The following CYB561D1 variants were observed in gnomAD, a reference collection of about 807,000 sequenced individuals.
CYB561D1 encodes the protein cytochrome b561 family member D1.
In CYB561D1, 15 loss-of-function variants were observed where a neutral mutation model predicts 19.2. That is an observed-to-expected ratio of 0.78 (90% confidence interval 0.52 to 1.20). The LOEUF (loss-of-function observed/expected upper bound fraction) is 1.20, where lower values mean the gene tolerates loss of function less well. Ranked by LOEUF, CYB561D1 falls within the 50% of genes most tolerant of loss-of-function variation. The pLI is 0.00. For synonymous variants in CYB561D1, 133 were observed against 120.6 expected, an observed-to-expected ratio of 1.10 and a Z score of -0.68; for missense variants, 297 against 287.3, an observed-to-expected ratio of 1.03 and a Z score of -0.24.
Position 109,494,304 on chromosome 1 carries a change from G to A in CYB561D1, c.148+17G>A. ...CAGGAACCAGTGAGTGTGCGGGGCG[G>A]GGTTGCGGAAGGGGGCGGAGTGGAG... On this transcript the variant is annotated intron_variant, in intron 1 of 2. Transcript: ENST00000420578. 1 of 1,570,038 alleles carries A rather than the reference G, an allele frequency of 6.4e-7. No individual in the cohort carries two copies. Among genetic ancestry groups the A allele is most frequent in the Non-Finnish European group, 8.7e-7 (1 of 1,155,964 alleles).
In CYB561D1 at chr1:109,496,621, G is replaced by C; in HGVS notation, c.*362G>C. ...CCAGGGATATTTGGGTTACTTTTAAGAAAGCAGTGTGATGTAGTGGAGAGA... is the reference window on the plus strand; with the variant it reads ...CCAGGGATATTTGGGTTACTTTTAACAAAGCAGTGTGATGTAGTGGAGAGA... On this transcript the variant is annotated 3_prime_UTR_variant, in exon 3 of 3. Transcript: ENST00000420578. 5.3e-6 allele frequency: 1 copy of C among 188,802 alleles called. No individual in the cohort carries two copies. Among genetic ancestry groups the C allele is most frequent in the South Asian group, 1.3e-4 (1 of 7,950 alleles). 11.7% of individuals were successfully genotyped at this position (188,802 alleles called of 1,614,324 possible). A position where few individuals can be genotyped will look rare whatever the true frequency, so the allele number is the denominator to read the frequency against.
chr1:109,500,196 T>C lies in CYB561D1; in HGVS notation c.*3937T>C, dbSNP rs1010687067. The C allele has an allele frequency of 2.0e-5, 3 of 152,288 alleles. No homozygotes were observed. The highest frequency in any genetic ancestry group is 6.5e-5 in the Admixed American group (1 of 15,284). 9.4% of individuals were successfully genotyped at this position (152,288 alleles called of 1,614,324 possible). A position where few individuals can be genotyped will look rare whatever the true frequency, so the allele number is the denominator to read the frequency against. Reference sequence around the variant, plus strand: ...GCAGGGAGGCTTCTGGTAGTGCTCTTGATGCTCCTGTGTCTGGTTGGCACA... The same window carrying C: ...GCAGGGAGGCTTCTGGTAGTGCTCTCGATGCTCCTGTGTCTGGTTGGCACA... On this transcript the variant is annotated 3_prime_UTR_variant, in exon 3 of 3. Transcript: ENST00000420578.
chr1:109,495,664 T>G, intron 2 of CYB561D1, 92 bp from the exon 3 acceptor site: 3 of 1,606,172 alleles, frequency 1.9e-6, no homozygotes, highest in Non-Finnish European at 2.6e-6. Flanking sequence ...CCTTACCCTT[T>G]GTCCTCTTTG....
At position 109,498,224 on chromosome 1, in the gene CYB561D1, C is replaced by T. The variant is rs1289103990; in HGVS notation, c.*1965C>T. On this transcript the variant is annotated 3_prime_UTR_variant, in exon 3 of 3. Coordinates refer to ENST00000420578, the MANE Select transcript of CYB561D1 (RefSeq NM_182580.3). ...CCTGAGCCTGCCTGAGGTGCTGCCT[C>T]CTCCCAGGTGGTGCGGGGGCTGGTG... The T allele has an allele frequency of 1.3e-5, 2 of 152,230 alleles. No homozygotes were observed. Among genetic ancestry groups the T allele is most frequent in the African/African-American group, 4.8e-5 (2 of 41,452 alleles). The allele number at this position is 152,230 out of a possible 1,614,324, so 9.4% of individuals were successfully genotyped here. A position where few individuals can be genotyped will look rare whatever the true frequency, so the allele number is the denominator to read the frequency against.
chr1:109,495,076 G>T, intron 1 of CYB561D1, 67 bp from the exon 2 acceptor site: 1 of 1,562,060 alleles, frequency 6.4e-7, no homozygotes, highest in Non-Finnish European at 8.8e-7. Flanking sequence ...GATTCTTTGG[G>T]TTCCACCTAG....
chr1:109,496,073 A>T lies in CYB561D1; in HGVS notation c.504A>T (p.Thr168=), dbSNP rs1224096331. The T allele has an allele frequency of 1.2e-6, 2 of 1,613,902 alleles. No individual in the cohort carries two copies. Among genetic ancestry groups the T allele is most frequent in the African/African-American group, 1.3e-5 (1 of 74,896 alleles). The change falls in exon 3 of 3, where the codon ACA becomes ACT. Residue 168 remains threonine, a synonymous_variant. Transcript: ENST00000420578. The part of the protein sequence containing the change: ...RVARLKLYHL[T]CGLVVYLMAT... Reference sequence around the variant, plus strand: ...CTCGCCTCAAGCTCTACCATCTGACATGTGGACTGGTGGTCTACCTGATGG... The same window carrying T: ...CTCGCCTCAAGCTCTACCATCTGACTTGTGGACTGGTGGTCTACCTGATGG...
rs1657708576 is a variant in CYB561D1 at position 109,498,591 on chromosome 1, G to A, written c.*2332G>A. 1 of 152,164 alleles carries A rather than the reference G, an allele frequency of 6.6e-6. No individual in the cohort carries two copies. The highest frequency in any genetic ancestry group is 2.4e-5 in the African/African-American group (1 of 41,412). The allele number at this position is 152,164 out of a possible 1,614,324, so 9.4% of individuals were successfully genotyped here. A position where few individuals can be genotyped will look rare whatever the true frequency, so the allele number is the denominator to read the frequency against. On this transcript the variant is annotated 3_prime_UTR_variant, in exon 3 of 3. Transcript: ENST00000420578. ...CCCTCACATCCTGGGGCAGCAGCTGGACAGCCATTAGACCTCAGTGCCAGG... is the reference window on the plus strand; with the variant it reads ...CCCTCACATCCTGGGGCAGCAGCTGAACAGCCATTAGACCTCAGTGCCAGG...
rs576030109 is a variant in CYB561D1, at chr1:109,495,918, C to A, written c.349C>A (p.Arg117Ser). ...GGGCTTCATCATCTCCAGCAGGACC[C>A]GCAGTGAGCTGCCTCATCTGGTGTC... ...GLGFIISSRTRSELPHLVSWH... is the reference protein window; with the variant it reads ...GLGFIISSRTSSELPHLVSWH... The change falls in exon 3 of 3, where the codon CGC becomes AGC. Residue 117 changes from arginine (R) to serine (S), a missense_variant. Arg to Ser is a moderately radical substitution (Grantham distance 110). Transcript: ENST00000420578. 1.2e-6 allele frequency: 2 copies of A among 1,613,954 alleles called. No individual in the cohort carries two copies. The highest frequency in any genetic ancestry group is 2.7e-5 in the African/African-American group (2 of 74,950).
Position 109,495,991 on chromosome 1 carries a change from A to T in CYB561D1, c.422A>T (p.Gln141Leu), listed in dbSNP as rs1657529123. The change falls in exon 3 of 3, where the codon CAG (glutamine) becomes CTG (leucine). Residue 141 changes from glutamine (Q) to leucine (L), a missense_variant. Physicochemically the swap from Gln to Leu is moderately radical, Grantham distance 113 (BLOSUM62 -2). Coordinates refer to ENST00000420578, the MANE Select transcript of CYB561D1 (RefSeq NM_182580.3). ...CTGACACTGCTGGCCACTGCTGTCC[A>T]GGCACTGTGTGGGCTCTGCCTCCTT... ...GALTLLATAV[Q>L]ALCGLCLLCP... 6.2e-7 allele frequency: 1 copy of T among 1,610,018 alleles called. No individual in the cohort carries two copies. Among genetic ancestry groups the T allele is most frequent in the South Asian group, 1.1e-5 (1 of 90,780 alleles).
At position 109,496,269 on chromosome 1, in the gene CYB561D1, A is replaced by G; in HGVS notation, c.*10A>G. The G allele has an allele frequency of 6.4e-7, 1 of 1,560,118 alleles. No individual in the cohort carries two copies. Among genetic ancestry groups the G allele is most frequent in the Non-Finnish European group, 8.7e-7 (1 of 1,146,478 alleles). ...GAAAATGGAAATGTGAGTTCCTGCG[A>G]ACGCTGAATCTAGGTGGGACGCTTG... On this transcript the variant is annotated 3_prime_UTR_variant, in exon 3 of 3. Coordinates refer to ENST00000420578, the MANE Select transcript of CYB561D1 (RefSeq NM_182580.3).
chr1:109,494,312 G>T, intron 1 of CYB561D1, 25 bp downstream of exon 1: 1 of 1,559,168 alleles, frequency 6.4e-7, no homozygotes, highest in Non-Finnish European at 8.7e-7. Flanking sequence ...CGGGGTTGCG[G>T]AAGGGGGCGG....
chr1:109,495,123 C>T lies in CYB561D1; in HGVS notation c.149-20C>T. 1 of 1,614,166 alleles carries T rather than the reference C, an allele frequency of 6.2e-7. No individual in the cohort carries two copies. Among genetic ancestry groups the T allele is most frequent in the Non-Finnish European group, 8.5e-7 (1 of 1,180,006 alleles). On this transcript the variant is annotated intron_variant, in intron 1 of 2. Transcript: ENST00000420578. The stretch of plus-strand genomic sequence containing the variant: ...GGAACAATGGTACCAAGCCCTCAGC[C>T]TGTTCTCTTTGATTCTTAGGTCTTT...
intron 1 of CYB561D1, 111 bp from the exon 2 acceptor site, chr1:109,495,032 T>C: frequency 7.6e-7 from 1 of 1,313,742 alleles, no homozygotes; most frequent in African/African-American, 1.5e-5. Context: ...TGTGCCCGAT[T>C]AGGATTGGGG....
Position 109,496,322 on chromosome 1 carries a change from T to A in CYB561D1, c.*63T>A, listed in dbSNP as rs1377411134. The A allele has an allele frequency of 6.6e-7, 1 of 1,506,426 alleles. No homozygotes were observed. Among genetic ancestry groups the A allele is most frequent in the Admixed American group, 2.2e-5 (1 of 46,064 alleles). The allele number at this position is 1,506,426 out of a possible 1,614,324, so 93.3% of individuals were successfully genotyped here. ...TTGAACATCATGGTTCCTTTGGTGATCTATAAGGGATCTATTTAAGAAGTG... is the reference window on the plus strand; with the variant it reads ...TTGAACATCATGGTTCCTTTGGTGAACTATAAGGGATCTATTTAAGAAGTG... On this transcript the variant is annotated 3_prime_UTR_variant, in exon 3 of 3. Transcript: ENST00000420578.
chr1:109,494,235 G>T lies in CYB561D1; in HGVS notation c.96G>T (p.Leu32=), dbSNP rs770983653. 1.4e-5 allele frequency: 22 copies of T among 1,577,980 alleles called. No homozygotes were observed. Among genetic ancestry groups the T allele is most frequent in the Non-Finnish European group, 1.9e-5 (22 of 1,161,718 alleles). ...LRRGSGILAH[L]VALGFTIFLT... ...GAGGCAGTGGGATCTTGGCGCACCT[G>T]GTAGCTTTGGGCTTCACCATCTTTC... is the stretch of plus-strand genomic sequence containing the variant. The change falls in exon 1 of 3, where the codon CTG becomes CTT. Residue 32 remains leucine, a synonymous_variant. Transcript: ENST00000420578.
rs1657574771 is a variant in CYB561D1, at chr1:109,496,498, A to T, written c.*239A>T. On this transcript the variant is annotated 3_prime_UTR_variant, in exon 3 of 3. Transcript: ENST00000420578. ...CTGATCCTGAAGCCTCTACTTGATG[A>T]GAGACAGAGTTTTGGGTGGTGATAG... is the stretch of plus-strand genomic sequence containing the variant. The T allele has an allele frequency of 7.9e-6, 3 of 380,914 alleles. No homozygotes were observed. Among genetic ancestry groups the T allele is most frequent in the Non-Finnish European group, 1.4e-5 (3 of 215,552 alleles). 23.6% of individuals were successfully genotyped at this position (380,914 alleles called of 1,614,324 possible). A position where few individuals can be genotyped will look rare whatever the true frequency, so the allele number is the denominator to read the frequency against.
chr1:109,495,138 C>G lies in CYB561D1; in HGVS notation c.149-5C>G, dbSNP rs764737598. 4 of 1,614,198 alleles carry G rather than the reference C, an allele frequency of 2.5e-6. No homozygotes were observed. Among genetic ancestry groups the G allele is most frequent in the Non-Finnish European group, 3.4e-6 (4 of 1,180,014 alleles). On this transcript the variant is annotated splice_polypyrimidine_tract_variant and splice_region_variant and intron_variant, in intron 1 of 2. Transcript: ENST00000420578. Reference sequence around the variant, plus strand: ...AGCCCTCAGCCTGTTCTCTTTGATTCTTAGGTCTTTTCTCCTGGCACCCTG... The same window carrying G: ...AGCCCTCAGCCTGTTCTCTTTGATTGTTAGGTCTTTTCTCCTGGCACCCTG...
chr1:109,495,887 G>T lies in CYB561D1; in HGVS notation c.318G>T (p.Leu106=). 1 of 1,613,942 alleles carries T rather than the reference G, an allele frequency of 6.2e-7. No individual in the cohort carries two copies. The highest frequency in any genetic ancestry group is 8.5e-7 in the Non-Finnish European group (1 of 1,180,042). The change falls in exon 3 of 3, where the codon CTG becomes CTT. Residue 106 remains leucine (L), a synonymous_variant. Transcript: ENST00000420578. The part of the protein sequence containing the change: ...GQTLAILCAA[L]GLGFIISSRT... ...CCCTAGCCATCCTCTGTGCAGCTCT[G>T]GGCCTGGGCTTCATCATCTCCAGCA...
rs906498943 is a variant in CYB561D1 at position 109,496,030 on chromosome 1, C to T, written c.461C>T (p.Ala154Val). The change falls in exon 3 of 3, where the codon GCC becomes GTC. Residue 154 changes from alanine to valine, a missense_variant. Transcript: ENST00000420578. ...CGLCLLCPRA[A>V]RVSRVARLKL... ...CTCTGCCTCCTTTGTCCCCGGGCAG[C>T]CAGGGTCTCAAGGGTGGCTCGCCTC... 2 of 1,609,774 alleles carry T rather than the reference C, an allele frequency of 1.2e-6. No individual in the cohort carries two copies. The highest frequency in any genetic ancestry group is 2.7e-5 in the African/African-American group (2 of 74,994).
Sources: allele counts gnomAD v4.1 joint callset, GRCh38; gene constraint gnomAD v4.1.1; transcripts MANE v1.5; gene names NCBI Gene and HGNC (gene_info 2026-07-23, HGNC 2026-07-21).